KIAA1217: variants seen among roughly 807,000 people sequenced by gnomAD.
The protein encoded by KIAA1217 is sickle tail protein homolog.
In KIAA1217, 88 loss-of-function variants were observed where a neutral mutation model predicts 163.9. The ratio of observed to expected loss-of-function variants is 0.54; its 90% confidence interval spans 0.45 to 0.64. The LOEUF is 0.64. Among genes scored for constraint, KIAA1217 ranks in the 30% least tolerant of loss-of-function variants. KIAA1217 has a pLI of 0.00. For missense variants in KIAA1217, 2,372 were observed against 2,475.0 expected, an observed-to-expected ratio of 0.96 and a Z score of 0.88; for synonymous variants, 903 against 923.1, an observed-to-expected ratio of 0.98 and a Z score of 0.39.
chr10:23,974,264 A>G (rs1845445470), intron 1 of KIAA1217, among the ~76,000 whole-genome samples: 1 of 152,156 alleles, frequency 6.6e-6, no homozygotes, highest in African/African-American at 2.4e-5. Context: ...AATTCTTCAA[A>G]TTTCAGTTTG....
At chr10:23,723,001 G>T (rs868115192) in intron 1 of KIAA1217, among the ~76,000 whole-genome samples, 1 of 152,108 alleles carries the variant, frequency 6.6e-6, no homozygotes, top group Non-Finnish European at 1.5e-5. Flanking sequence ...AGCCATTCCC[G>T]AGTGTCATCA....
intron 13 of KIAA1217, among the ~76,000 whole-genome samples, chr10:24,526,449 C>T (rs2072199667): frequency 1.3e-5 from 2 of 152,252 alleles, no homozygotes; most frequent in South Asian, 4.2e-4. Flanking sequence ...TCACTTAAGA[C>T]GTCTTGCCAC....
intron 2 of KIAA1217, among the ~76,000 whole-genome samples, chr10:24,010,780 T>C (rs981587727): frequency 1.3e-5 from 2 of 151,774 alleles, no homozygotes; most frequent in African/African-American, 4.8e-5. Flanking sequence ...TTCCAGGGCC[T>C]GAAGGCTTTT....
chr10:24,066,789 G>A (rs967785122), intron 2 of KIAA1217, among the ~76,000 whole-genome samples: 10 of 152,282 alleles, frequency 6.6e-5, no homozygotes, highest in Admixed American at 5.2e-4. Context: ...CCAATTAGAC[G>A]TAGATTTCGT....
intron 2 of KIAA1217, among the ~76,000 whole-genome samples, chr10:24,188,048 A>G (rs866063664): frequency 4.2e-4 from 63 of 149,700 alleles, no homozygotes; most frequent in African/African-American, 1.5e-3. Context: ...AAATACAAAA[A>G]TTAGCCAGGC....
At position 24,543,415 on chromosome 10, in the gene KIAA1217, A is replaced by G. The variant is rs201817422; in HGVS notation, c.4145A>G (p.Asn1382Ser). The G allele has an allele frequency of 1.2e-6, 2 of 1,614,062 alleles. No individual in the cohort carries two copies. Among genetic ancestry groups the G allele is most frequent in the Non-Finnish European group, 1.7e-6 (2 of 1,180,040 alleles). ...SPTEENAATD[N>S]IAFMITETTV... is the part of the protein sequence containing the mutation. ...ACTGAAGAAAATGCAGCCACTGACA[A>G]TATTGCCTTCATGATTACCGAAACC... The change falls in exon 19 of 21, where the codon AAT (asparagine) becomes AGT (serine). Residue 1382 changes from asparagine to serine, a missense_variant. Physicochemically the swap from Asn to Ser is conservative, Grantham distance 46. Transcript: ENST00000376454.
intron 2 of KIAA1217, chr10:24,158,881 T>C (rs1015795675): frequency 2.6e-5 from 6 of 234,638 alleles, no homozygotes; most frequent in African/African-American, 1.2e-4. Flanking sequence ...GTTCCTGCAG[T>C]ATTGGACAGT....
intron 2 of KIAA1217, among the ~76,000 whole-genome samples, chr10:24,094,545 G>A (rs554903082): frequency 7.2e-4 from 110 of 152,282 alleles, no homozygotes; most frequent in Admixed American, 5.7e-3. Context: ...GCAGAACAGC[G>A]GATTTTCGTG....
At chr10:23,836,852 G>T (rs1838479737) in intron 1 of KIAA1217, among the ~76,000 whole-genome samples, 1 of 149,460 alleles carries the variant, frequency 6.7e-6, no homozygotes, top group African/African-American at 2.5e-5. Flanking sequence ...GATTGCTTGA[G>T]CCTGGGATGT....
intron 1 of KIAA1217, among the ~76,000 whole-genome samples, chr10:23,894,506 G>A (rs1054800035): frequency 6.7e-6 from 1 of 148,772 alleles, no homozygotes; most frequent in African/African-American, 2.5e-5. Flanking sequence ...CAAACAAATG[G>A]AAGAACATTC....
chr10:23,956,710 A>T (rs1844576127), intron 1 of KIAA1217, among the ~76,000 whole-genome samples: 1 of 152,156 alleles, frequency 6.6e-6, no homozygotes, highest in African/African-American at 2.4e-5. Context: ...GACCTCAGGA[A>T]GATTCCAGCC....
At chr10:24,536,736 C>G in intron 16 of KIAA1217, 38 bp from the exon 17 acceptor site, 1 of 1,607,090 alleles carries the variant, frequency 6.2e-7, no homozygotes. Flanking sequence ...CCTCAGTACC[C>G]TTGGATCCCT....
At chr10:24,220,248 T>C (rs759033981) in intron 2 of KIAA1217, among the ~76,000 whole-genome samples, 6 of 152,094 alleles carry the variant, frequency 3.9e-5, no homozygotes, top group African/African-American at 9.7e-5. Context: ...GGGTATTATC[T>C]ACTGAGGAAA....
chr10:24,206,306 T>C (rs955677999), upstream of KIAA1217, among the ~76,000 whole-genome samples: 1 of 152,202 alleles, frequency 6.6e-6, no homozygotes, highest in Non-Finnish European at 1.5e-5. Context: ...AGCCCAGAAA[T>C]TAAATTAAAC....
At chr10:24,544,958 CCT>C (rs768628970) in intron 19 of KIAA1217, 21 bp from the exon 20 acceptor site, 2 of 1,610,066 alleles carry the variant, frequency 1.2e-6, no homozygotes, top group Non-Finnish European at 1.7e-6. Flanking sequence ...TTCTCTTCCC[CCT>C]CTCACTGGTC....
chr10:23,972,783 A>G (rs1416848289), intron 1 of KIAA1217, among the ~76,000 whole-genome samples: 9 of 152,132 alleles, frequency 5.9e-5, no homozygotes, highest in African/African-American at 2.2e-4. Context: ...AGCCATGAAA[A>G]GGAATGAGAT....
At chr10:24,454,161 A>G (rs2061595424) in intron 5 of KIAA1217, among the ~76,000 whole-genome samples, 2 of 152,234 alleles carry the variant, frequency 1.3e-5, no homozygotes, top group Admixed American at 1.3e-4. Flanking sequence ...TCAGCATCGT[A>G]CTATTTGGCA....
intron 2 of KIAA1217, among the ~76,000 whole-genome samples, chr10:24,256,041 A>G (rs191479952): frequency 9.5e-6 from 1 of 104,876 alleles, no homozygotes; most frequent in African/African-American, 3.8e-5. Context: ...TCAAGCTCAG[A>G]TGACCAAAAA....
rs1277105360 is a variant in KIAA1217 at position 24,521,938 on chromosome 10, G to T, written c.2456+9G>T. On this transcript the variant is annotated intron_variant, in intron 12 of 20. Coordinates refer to ENST00000376454, the MANE Select transcript of KIAA1217 (RefSeq NM_019590.5). ...CTGACCATGCTGCGGAGGTGACCGG[G>T]CCCTCATCGTGCTGGGGGTGGCCTG... 2 of 1,601,686 alleles carry T rather than the reference G, an allele frequency of 1.2e-6. No homozygotes were observed. The highest frequency in any genetic ancestry group is 1.7e-6 in the Non-Finnish European group (2 of 1,173,234).
Sources: allele counts gnomAD v4.1 joint callset (sites outside exome capture counted in the v4.1 genomes callset), GRCh38; gene constraint gnomAD v4.1.1; transcripts MANE v1.5; gene names NCBI Gene and HGNC (gene_info 2026-07-23, HGNC 2026-07-21).